The following MAGI2 variants were observed in gnomAD, a reference collection of about 807,000 sequenced individuals.
MAGI2 encodes the protein membrane-associated guanylate kinase, WW and PDZ domain-containing protein 2.
MAGI2 carries 35 observed loss-of-function variants against 133.3 expected under a neutral mutation model. The observed-to-expected ratio is 0.26, with a 90% CI of 0.20 to 0.35. MAGI2 has a LOEUF of 0.35. MAGI2 is among the 10% of genes least tolerant of loss of function. The pLI is 1.00. For missense variants in MAGI2, 1,636 were observed against 1,863.4 expected, an observed-to-expected ratio of 0.88 and a Z score of 2.25; for synonymous variants, 729 against 710.6, an observed-to-expected ratio of 1.03 and a Z score of -0.41.
At chr7:78,044,706 C>CGT (rs556210728) in intron 21 of MAGI2, among the ~76,000 whole-genome samples, 1 of 113,544 alleles carries the variant, frequency 8.8e-6, no homozygotes. Context: ...TGTGTGTGTG[C>CGT]ACGTGTGCAC....
chr7:78,299,595 A>C (rs1797649723), intron 9 of MAGI2, among the ~76,000 whole-genome samples: 1 of 152,086 alleles, frequency 6.6e-6, no homozygotes, highest in Non-Finnish European at 1.5e-5. Flanking sequence ...GGTTGCCACT[A>C]TTCTGTTTTC....
intron 2 of MAGI2, among the ~76,000 whole-genome samples, chr7:78,973,306 T>G (rs1311015136): frequency 6.6e-6 from 1 of 151,882 alleles, no homozygotes; most frequent in African/African-American, 2.4e-5. Context: ...AACTTACTTC[T>G]TTTGCCTTGA....
chr7:78,221,450 T>C (rs1788823248), intron 10 of MAGI2, among the ~76,000 whole-genome samples: 1 of 152,148 alleles, frequency 6.6e-6, no homozygotes, highest in South Asian at 2.1e-4. Context: ...CTAACTTTAT[T>C]GTTTAGAATG....
chr7:78,440,156 A>G (rs71537516), intron 6 of MAGI2, among the ~76,000 whole-genome samples: 136,269 of 151,850 alleles, frequency 0.9, 62,208 homozygotes, highest in East Asian at 0.98. Context: ...GCCCTGCCAT[A>G]GATTCTGACT....
chr7:78,619,876 C>G (rs919538691), intron 3 of MAGI2, among the ~76,000 whole-genome samples: 3 of 151,938 alleles, frequency 2.0e-5, no homozygotes, highest in African/African-American at 7.2e-5. Flanking sequence ...GATCAGTAAA[C>G]GGTCAGTGTT....
intron 2 of MAGI2, among the ~76,000 whole-genome samples, chr7:78,805,607 A>G (rs1315658252): frequency 1.3e-5 from 2 of 152,204 alleles, no homozygotes; most frequent in Non-Finnish European, 2.9e-5. Context: ...GCCCTTGTAT[A>G]GTTCATTTGC....
At chr7:78,046,587 A>C (rs372231553) in intron 21 of MAGI2, among the ~76,000 whole-genome samples, 10 of 152,302 alleles carry the variant, frequency 6.6e-5, no homozygotes, top group African/African-American at 2.4e-4. Flanking sequence ...AAATATCTGC[A>C]TAGAGCTCTG....
chr7:79,183,662 G>A (rs901176801), intron 1 of MAGI2, among the ~76,000 whole-genome samples: 10 of 151,784 alleles, frequency 6.6e-5, no homozygotes, highest in Non-Finnish European at 1.0e-4. Flanking sequence ...AAATGACTAC[G>A]TCAAAGAGAT....
chr7:79,172,923 T>C (rs1272968252), intron 1 of MAGI2: 2 of 152,086 alleles, frequency 1.3e-5, no homozygotes, highest in African/African-American at 4.8e-5. Flanking sequence ...ATGGTATCTA[T>C]ATTTCAGGGT....
intron 6 of MAGI2, among the ~76,000 whole-genome samples, chr7:78,443,414 T>A (rs901884199): frequency 2.0e-5 from 3 of 152,128 alleles, no homozygotes; most frequent in African/African-American, 7.2e-5. Flanking sequence ...TCCTTTCTTC[T>A]CATCTACAAA....
At chr7:79,146,954 C>T (rs1319293957) in intron 1 of MAGI2, among the ~76,000 whole-genome samples, 1 of 152,184 alleles carries the variant, frequency 6.6e-6, no homozygotes, top group Non-Finnish European at 1.5e-5. Context: ...CAACCTCTTA[C>T]CCGAAGCAAG....
intron 9 of MAGI2, among the ~76,000 whole-genome samples, chr7:78,333,242 A>G (rs960146829): frequency 2.6e-5 from 4 of 152,198 alleles, no homozygotes; most frequent in African/African-American, 9.7e-5. Context: ...ACTACAGAGA[A>G]CTGAAAGGGA....
chr7:79,394,198 A>T (rs1350224207), intron 1 of MAGI2, among the ~76,000 whole-genome samples: 1 of 152,138 alleles, frequency 6.6e-6, no homozygotes, highest in African/African-American at 2.4e-5. Flanking sequence ...GTTGATTCTG[A>T]CATGTCTTGG....
chr7:79,277,993 T>G (rs1202792544), intron 1 of MAGI2, among the ~76,000 whole-genome samples: 1 of 152,084 alleles, frequency 6.6e-6, no homozygotes, highest in Non-Finnish European at 1.5e-5. Context: ...CTCTAGAACT[T>G]TTCCATTAGC....
rs191539061 is a variant in MAGI2 at position 78,447,540 on chromosome 7, G to T, written c.1045+42221C>A. Among the ~76,000 whole-genome samples the T allele has an allele frequency of 3.3e-3, 498 of 152,206 alleles. 1 individual carries two copies. Among genetic ancestry groups the T allele is most frequent in the African/African-American group, 0.011 (470 of 41,554 alleles). ...CAGCATTGCACTGGATACCCAATGGGGATCTGGAGGTCAGCGGGGGAGGTA... is the reference window on the plus strand; with the variant it reads ...CAGCATTGCACTGGATACCCAATGGTGATCTGGAGGTCAGCGGGGGAGGTA... On this transcript the variant is annotated intron_variant, in intron 6 of 21. Coordinates refer to ENST00000354212, the MANE Select transcript of MAGI2 (RefSeq NM_012301.4).
At chr7:79,352,599 C>T (rs994449019) in intron 1 of MAGI2, among the ~76,000 whole-genome samples, 7 of 152,166 alleles carry the variant, frequency 4.6e-5, no homozygotes, top group African/African-American at 1.7e-4. Flanking sequence ...GATCTCTGTT[C>T]CCATAGTGCT....
At chr7:78,938,859 G>A (rs998601581) in intron 2 of MAGI2, among the ~76,000 whole-genome samples, 1 of 152,060 alleles carries the variant, frequency 6.6e-6, no homozygotes, top group Admixed American at 6.6e-5. Context: ...AAGGGGTGAG[G>A]ATAAACACAA....
At chr7:78,989,807 A>G (rs968507054) in intron 2 of MAGI2, among the ~76,000 whole-genome samples, 1 of 152,018 alleles carries the variant, frequency 6.6e-6, no homozygotes. Context: ...TCCTTAGCTC[A>G]GGTTGCACTG....
intron 2 of MAGI2, among the ~76,000 whole-genome samples, chr7:78,659,399 T>G (rs1812669682): frequency 9.1e-6 from 1 of 110,304 alleles, no homozygotes; most frequent in Non-Finnish European, 1.6e-5. Flanking sequence ...CACTCCAGCC[T>G]GGGCAACAAA....
Sources: allele counts gnomAD v4.1 joint callset (sites outside exome capture counted in the v4.1 genomes callset), GRCh38; gene constraint gnomAD v4.1.1; transcripts MANE v1.5; gene names NCBI Gene and HGNC (gene_info 2026-07-23, HGNC 2026-07-21).